FCHSD2: variants seen among roughly 807,000 people sequenced by gnomAD.
The protein encoded by FCHSD2 is FCH and double SH3 domains 2.
In FCHSD2, 38 loss-of-function variants were observed where a neutral mutation model predicts 108.1. The ratio of observed to expected loss-of-function variants is 0.35; its 90% confidence interval spans 0.27 to 0.46. The LOEUF is 0.46. Ranked by LOEUF, FCHSD2 falls within the 20% of genes least tolerant of loss-of-function variation. FCHSD2 has a pLI of 1.00. For synonymous variants in FCHSD2, 279 were observed against 314.7 expected, an observed-to-expected ratio of 0.89 and a Z score of 1.20; for missense variants, 751 against 897.8, an observed-to-expected ratio of 0.84 and a Z score of 2.09.
chr11:72,886,919 C>A (rs1439341337), intron 12 of FCHSD2, among the ~76,000 whole-genome samples: 1 of 152,020 alleles, frequency 6.6e-6, no homozygotes, highest in African/African-American at 2.4e-5. Flanking sequence ...TTTCATACAA[C>A]CCTCAAAGGT....
At chr11:73,126,022 CTAATA>C (rs1410495182) in intron 2 of FCHSD2, among the ~76,000 whole-genome samples, 2 of 151,938 alleles carry the variant, frequency 1.3e-5, no homozygotes, top group Non-Finnish European at 2.9e-5. Context: ...AAGACTCTAT[CTAATA>C]TGTTTGCTTG....
chr11:72,915,652 CTACAAAAA>C (rs1004848043), intron 9 of FCHSD2, among the ~76,000 whole-genome samples: 1 of 152,120 alleles, frequency 6.6e-6, no homozygotes, highest in South Asian at 2.1e-4. Context: ...AACCCCAGCT[CTACAAAAA>C]TACAAAAATT....
intron 8 of FCHSD2, among the ~76,000 whole-genome samples, chr11:72,962,065 C>A (rs546317190): frequency 3.3e-5 from 5 of 152,262 alleles, no homozygotes; most frequent in African/African-American, 1.2e-4. Context: ...CAATTTTAGT[C>A]TTAGAGTTTC....
At chr11:73,012,350 C>A (rs1857881030) in intron 4 of FCHSD2, among the ~76,000 whole-genome samples, 3 of 151,864 alleles carry the variant, frequency 2.0e-5, no homozygotes, top group Non-Finnish European at 4.4e-5. Context: ...GTGAATCACA[C>A]AGAAAAAAAT....
chr11:72,845,242 G>A (rs1394686059), intron 14 of FCHSD2, among the ~76,000 whole-genome samples: 1 of 151,924 alleles, frequency 6.6e-6, no homozygotes, highest in Non-Finnish European at 1.5e-5. Context: ...GCAACATGGC[G>A]AAACCCTGTC....
At chr11:72,931,857 T>C (rs1856200082) in intron 8 of FCHSD2, among the ~76,000 whole-genome samples, 1 of 152,210 alleles carries the variant, frequency 6.6e-6, no homozygotes. Context: ...ATCAGGGCTA[T>C]GCGTATATTC....
chr11:72,848,070 T>G lies in FCHSD2; in HGVS notation c.1443+1685A>C, dbSNP rs138767346. On this transcript the variant is annotated intron_variant, in intron 14 of 19. Transcript: ENST00000409418. ...CCTTTTTGGTCTGGACTATAAGAAT[T>G]ATGATTAGGCTTAAAGTCAGTCCCT... Among the ~76,000 whole-genome samples the G allele has an allele frequency of 1.2e-4, 18 of 152,342 alleles. No homozygotes were observed. In the East Asian group the frequency reaches 3.5e-3, roughly 29 times the overall value.
chr11:72,865,266 C>G (rs949398361), intron 13 of FCHSD2, among the ~76,000 whole-genome samples: 3 of 152,112 alleles, frequency 2.0e-5, no homozygotes, highest in Non-Finnish European at 4.4e-5. Context: ...AGATACAACC[C>G]CCTCTAAATA....
At chr11:73,065,867 T>C (rs1258686181) in intron 3 of FCHSD2, among the ~76,000 whole-genome samples, 1 of 152,076 alleles carries the variant, frequency 6.6e-6, no homozygotes, top group African/African-American at 2.4e-5. Flanking sequence ...CACAAACAAA[T>C]GGAAAAATAT....
intron 5 of FCHSD2, among the ~76,000 whole-genome samples, chr11:72,991,610 G>A (rs190778787): frequency 7.2e-5 from 11 of 151,998 alleles, no homozygotes; most frequent in African/African-American, 2.4e-4. Flanking sequence ...TTCAACATAC[G>A]CAAATCAATA....
At chr11:73,023,748 C>G (rs1279737477) in intron 3 of FCHSD2, among the ~76,000 whole-genome samples, 1 of 152,154 alleles carries the variant, frequency 6.6e-6, no homozygotes, top group East Asian at 1.9e-4. Flanking sequence ...ATAAACTTGG[C>G]AACAAAGATG....
intron 3 of FCHSD2, among the ~76,000 whole-genome samples, chr11:73,033,357 C>T (rs746012468): frequency 2.0e-5 from 3 of 151,410 alleles, no homozygotes; most frequent in Non-Finnish European, 4.4e-5. Flanking sequence ...TAGTCCTGTC[C>T]AAAGATGATA....
Position 72,889,869 on chromosome 11 carries a change from C to G in FCHSD2, c.1001G>C (p.Arg334Pro). Residue 334 changes from arginine (R) to proline (P), a missense_variant, in exon 11 of 20, where the codon CGT becomes CCT. Coordinates refer to ENST00000409418, the MANE Select transcript of FCHSD2 (RefSeq NM_014824.3). ...AATGTTTTTATGCTCACGTGCCACACGTGTGGCCCATTTTCGAGCTTCCTT... is the reference window on the plus strand; with the variant it reads ...AATGTTTTTATGCTCACGTGCCACAGGTGTGGCCCATTTTCGAGCTTCCTT... ...LNKEARKWAT[R>P]VAREHKNIVH... is the part of the protein sequence containing the mutation. 1 of 1,613,328 alleles carries G rather than the reference C, an allele frequency of 6.2e-7. No homozygotes were observed. The highest frequency in any genetic ancestry group is 8.5e-7 in the Non-Finnish European group (1 of 1,179,274).
chr11:73,096,443 G>A (rs982296895), intron 2 of FCHSD2, among the ~76,000 whole-genome samples: 8 of 151,476 alleles, frequency 5.3e-5, no homozygotes, highest in African/African-American at 1.2e-4. Context: ...TCCAGCTACC[G>A]GTAAGGCTGA....
chr11:72,851,101 CA>C (rs55916551), intron 13 of FCHSD2, among the ~76,000 whole-genome samples: 13 of 70,106 alleles, frequency 1.9e-4, no homozygotes, highest in African/African-American at 7.3e-4. Flanking sequence ...GACTCTGTCT[CA>C]AAAAAAAAAA....
intron 13 of FCHSD2, among the ~76,000 whole-genome samples, chr11:72,851,528 C>T (rs1000456419): frequency 2.6e-5 from 4 of 152,072 alleles, no homozygotes; most frequent in African/African-American, 4.8e-5. Flanking sequence ...ATCACAAGGA[C>T]AGGAGATCGA....
chr11:72,938,980 A>G (rs1856358847), intron 8 of FCHSD2, among the ~76,000 whole-genome samples: 1 of 152,224 alleles, frequency 6.6e-6, no homozygotes, highest in South Asian at 2.1e-4. Context: ...ACATTTAATA[A>G]AAGTGGCCTC....
rs990244449 is a variant in FCHSD2 at position 72,887,560 on chromosome 11, C to T, written c.1056G>A (p.Leu352=). 4 of 1,582,870 alleles carry T rather than the reference C, an allele frequency of 2.5e-6. No individual in the cohort carries two copies. The highest frequency in any genetic ancestry group is 1.7e-4 in the Middle Eastern group (1 of 6,034). The change falls in exon 12 of 20, where the codon CTG becomes CTA. Residue 352 remains leucine, a synonymous_variant. Transcript: ENST00000409418. ...IVHQQRVLND[L]ECHGAAVSEQ... is the part of the protein sequence containing the mutation. ...CTGATACAGCAGCTCCATGACACTC[C>T]AGATCATTTAGAACCTATTAAAGAA...
chr11:73,055,673 T>C (rs988630402), intron 3 of FCHSD2, among the ~76,000 whole-genome samples: 1 of 152,210 alleles, frequency 6.6e-6, no homozygotes, highest in Non-Finnish European at 1.5e-5. Flanking sequence ...AATTTTTTAA[T>C]AGATAAAACA....
Sources: gnomAD v4.1 joint callset for allele counts (sites outside exome capture counted in the v4.1 genomes callset) on GRCh38, gnomAD v4.1.1 for gene constraint, MANE v1.5 for transcripts, NCBI Gene and HGNC (gene_info 2026-07-23, HGNC 2026-07-21) for gene names.